Variants in SIDT1 observed in about 807,000 individuals in gnomAD.
SIDT1 encodes the protein SID1 transmembrane family, member 1.
A neutral mutation model predicts 107.5 loss-of-function variants in SIDT1; 101 were observed. The ratio of observed to expected loss-of-function variants is 0.94; its 90% CI spans 0.80 to 1.11. The LOEUF is 1.11. Ranked by LOEUF, SIDT1 falls within the 50% of genes least tolerant of loss-of-function variation. SIDT1 has a pLI of 0.00. For missense variants in SIDT1, 1,076 were observed against 1,058.2 expected (o/e 1.02, Z -0.23); for synonymous variants, 395 against 398.2 (o/e 0.99, Z 0.10).
At chr3:113,547,067 A>G (rs2107632687) in intron 1 of SIDT1, among the ~76,000 whole-genome samples, 1 of 152,266 alleles carries the variant, frequency 6.6e-6, no homozygotes, top group African/African-American at 2.4e-5. Flanking sequence ...TATTTCACAC[A>G]CACATAAAAA....
chr3:113,540,870 T>A (rs556822228), intron 1 of SIDT1, among the ~76,000 whole-genome samples: 1 of 152,298 alleles, frequency 6.6e-6, no homozygotes, highest in South Asian at 2.1e-4. Context: ...CTATTCATCC[T>A]CAGTGATAAG....
intron 1 of SIDT1, among the ~76,000 whole-genome samples, chr3:113,535,907 C>T (rs917367737): frequency 3.3e-5 from 5 of 152,202 alleles, no homozygotes; most frequent in African/African-American, 9.7e-5. Flanking sequence ...CCATTACCTT[C>T]GGTTCCTACT....
At chr3:113,636,670 A>C in the SIDT1 span, among the ~76,000 whole-genome samples, 1 of 152,322 alleles carries the variant, frequency 6.6e-6, no homozygotes, top group African/African-American at 2.4e-5. Context: ...TCTTCCCCAA[A>C]ATCTGTAGCT....
chr3:113,610,305 A>G (rs1406061324), intron 17 of SIDT1, among the ~76,000 whole-genome samples: 1 of 152,188 alleles, frequency 6.6e-6, no homozygotes, highest in Non-Finnish European at 1.5e-5. Context: ...CTTCTATTTT[A>G]CCAAAAACTG....
intron 1 of SIDT1, among the ~76,000 whole-genome samples, chr3:113,562,590 A>G (rs1485104336): frequency 6.6e-6 from 1 of 152,260 alleles, no homozygotes; most frequent in Non-Finnish European, 1.5e-5. Flanking sequence ...CCTTCAAAAC[A>G]TTATGCTAAG....
intron 1 of SIDT1, among the ~76,000 whole-genome samples, chr3:113,550,999 G>A (rs1477365343): frequency 6.6e-6 from 1 of 152,112 alleles, no homozygotes; most frequent in East Asian, 1.9e-4. Context: ...CCACTTATAA[G>A]TGAGAACATG....
At chr3:113,594,308 C>T (rs1057263278) in intron 10 of SIDT1, among the ~76,000 whole-genome samples, 1 of 152,146 alleles carries the variant, frequency 6.6e-6, no homozygotes, top group Non-Finnish European at 1.5e-5. Flanking sequence ...CACCTGCTCT[C>T]GTGGCTTTAA....
At chr3:113,621,394 C>A (rs1366304845) in intron 21 of SIDT1, among the ~76,000 whole-genome samples, 3 of 150,854 alleles carry the variant, frequency 2.0e-5, no homozygotes, top group African/African-American at 7.3e-5. Context: ...TGCTTGAGCC[C>A]AGGAGTTTGA....
intron 8 of SIDT1, 53 bp downstream of exon 8, chr3:113,584,822 T>G (rs1943622325): frequency 8.0e-7 from 1 of 1,255,800 alleles, no homozygotes; most frequent in African/African-American, 1.5e-5. Context: ...AGAAAATCAG[T>G]CATATAATTT....
At chr3:113,620,273 C>T (rs182110273) in intron 21 of SIDT1, among the ~76,000 whole-genome samples, 2 of 150,396 alleles carry the variant, frequency 1.3e-5, no homozygotes, top group Admixed American at 6.6e-5. Context: ...TTTCTACCTA[C>T]ATCATTCTTC....
At chr3:113,544,453 G>A (rs1939341152) in intron 1 of SIDT1, among the ~76,000 whole-genome samples, 1 of 152,152 alleles carries the variant, frequency 6.6e-6, no homozygotes, top group Non-Finnish European at 1.5e-5. Flanking sequence ...GCCTCCCAAA[G>A]TGCTGGGATT....
At chr3:113,559,511 G>A (rs756189327) in intron 1 of SIDT1, among the ~76,000 whole-genome samples, 4 of 151,682 alleles carry the variant, frequency 2.6e-5, no homozygotes, top group Non-Finnish European at 5.9e-5. Context: ...GCCCAATCTG[G>A]GCTCACTGCA....
chr3:113,619,651 C>T, intron 20 of SIDT1, 29 bp from the exon 21 acceptor site: 1 of 1,609,050 alleles, frequency 6.2e-7, no homozygotes, highest in Non-Finnish European at 8.5e-7. Flanking sequence ...TGCAGCCTCT[C>T]ATTTGATGTT....
chr3:113,564,830 C>T lies in SIDT1; in HGVS notation c.223-1590C>T, dbSNP rs1005444793. The stretch of plus-strand genomic sequence containing the variant: ...ATATGGTGGCAATTTTCAGCTGCAG[C>T]ATAATTTCCATGGAAACATGTAGAG... On this transcript the variant is annotated intron_variant, in intron 1 of 24. Transcript: ENST00000264852. Among the ~76,000 whole-genome samples the T allele has an allele frequency of 3.3e-5, 5 of 152,176 alleles. No homozygotes were observed. In the South Asian group the frequency reaches 8.3e-4, roughly 25 times the overall value.
intron 1 of SIDT1, 124 bp from the exon 2 acceptor site, chr3:113,566,296 T>C: frequency 8.5e-6 from 8 of 940,624 alleles, no homozygotes; most frequent in Non-Finnish European, 1.1e-5. Context: ...AAAGTGTTTC[T>C]GAGCCTCACA....
In SIDT1 at chr3:113,626,037, C is replaced by T. The variant is rs111268863; in HGVS notation, c.2308-65C>T. ...AGTAGCGTTTTTGTGGCTTTCTGGACGTTCAACTCTTTGAACAGTTGAACT... is the reference window on the plus strand; with the variant it reads ...AGTAGCGTTTTTGTGGCTTTCTGGATGTTCAACTCTTTGAACAGTTGAACT... On this transcript the variant is annotated intron_variant, in intron 23 of 24. Transcript: ENST00000264852. The T allele has an allele frequency of 1.1e-4, 121 of 1,113,276 alleles. No individual in the cohort carries two copies. In the East Asian group the frequency reaches 2.0e-3, roughly 19 times the overall value. 69.0% of individuals were successfully genotyped at this position (1,113,276 alleles called of 1,614,324 possible).
chr3:113,538,013 C>T (rs1938382544), intron 1 of SIDT1, among the ~76,000 whole-genome samples: 1 of 152,110 alleles, frequency 6.6e-6, no homozygotes, highest in African/African-American at 2.4e-5. Flanking sequence ...AAACTCCTGG[C>T]CTCACGTGAT....
At chr3:113,629,630 A>G (rs1947062688), downstream of SIDT1, 1 of 152,228 alleles carries the variant, frequency 6.6e-6, no homozygotes, top group Non-Finnish European at 1.5e-5. Flanking sequence ...TTTCTAATCC[A>G]CAGAAGACCA....
At chr3:113,535,173 C>T (rs929985085) in intron 1 of SIDT1, among the ~76,000 whole-genome samples, 8 of 152,238 alleles carry the variant, frequency 5.3e-5, no homozygotes, top group African/African-American at 1.7e-4. Flanking sequence ...ACTTAGGAGG[C>T]GGAGGCAGGA....
Sources: gnomAD v4.1 joint callset for allele counts (sites outside exome capture counted in the v4.1 genomes callset) on GRCh38, gnomAD v4.1.1 for gene constraint, MANE v1.5 for transcripts, NCBI Gene and HGNC (gene_info 2026-07-23, HGNC 2026-07-21) for gene names.